Variants in IPO13 observed in about 807,000 individuals in gnomAD.
IPO13 encodes importin-13.
In IPO13, 28 loss-of-function variants were observed where a neutral mutation model predicts 115.5. The ratio of observed to expected loss-of-function variants is 0.24; its 90% CI spans 0.18 to 0.33. The LOEUF is 0.33. IPO13 is among the 10% of genes least tolerant of loss of function. The pLI is 1.00. For missense variants in IPO13, 785 were observed against 1,204.6 expected, an observed-to-expected ratio of 0.65 and a Z score of 5.16; for synonymous variants, 414 against 478.9, an observed-to-expected ratio of 0.86 and a Z score of 1.77.
chr1:43,953,612 G>A (rs2085223907), intron 2 of IPO13: 1 of 152,232 alleles, frequency 6.6e-6, no homozygotes, highest in Non-Finnish European at 1.5e-5. Flanking sequence ...CCTTCCCCAG[G>A]TGTCCTGACA....
chr1:43,956,472 A>G lies in IPO13; in HGVS notation c.962+12A>G. On this transcript the variant is annotated intron_variant, in intron 3 of 19. Coordinates refer to ENST00000372343, the MANE Select transcript of IPO13 (RefSeq NM_014652.4). The surrounding 1 kb of genome is among the most constrained non-coding windows in gnomAD (Gnocchi z 4.7). ...GAGAACCACTCCCGGTAAAGGGTGG[A>G]GCAGCTTGGGGTGGGATAGTAGGGC... 1 of 1,614,140 alleles carries G rather than the reference A, an allele frequency of 6.2e-7. No homozygotes were observed. Among genetic ancestry groups the G allele is most frequent in the Non-Finnish European group, 8.5e-7 (1 of 1,180,026 alleles).
intron 12 of IPO13, among the ~76,000 whole-genome samples, chr1:43,960,541 G>C (rs1339044001): frequency 6.6e-6 from 1 of 152,172 alleles, no homozygotes; most frequent in Non-Finnish European, 1.5e-5. Flanking sequence ...TATTAGGGTC[G>C]AGTGACAGTC....
chr1:43,955,404 C>T (rs1195109872), intron 2 of IPO13, among the ~76,000 whole-genome samples: 7 of 152,166 alleles, frequency 4.6e-5, no homozygotes, highest in African/African-American at 1.4e-4. Flanking sequence ...GCTTTAAAGC[C>T]AAACAGAAAT....
At chr1:43,955,991 G>A (rs1161518897) in intron 2 of IPO13, among the ~76,000 whole-genome samples, 14 of 111,184 alleles carry the variant, frequency 1.3e-4, no homozygotes, top group African/African-American at 5.1e-4. Context: ...GGGTAACACA[G>A]CAAAACCCCA....
Position 43,961,282 on chromosome 1 carries a change from TCTGCTG to T in IPO13, c.2344+28_2344+33del. ...AGCAAGGTAGGTCCTGACCGGGGTC[TCTGCTG>T]CTGCTGCCACTGCCACTGCCTCTGC... On this transcript the variant is annotated intron_variant, in intron 14 of 19. Coordinates refer to ENST00000372343, the MANE Select transcript of IPO13 (RefSeq NM_014652.4). 6.3e-7 allele frequency: 1 copy of T among 1,577,386 alleles called. No homozygotes were observed. Among genetic ancestry groups the T allele is most frequent in the South Asian group, 1.1e-5 (1 of 90,310 alleles).
intron 14 of IPO13, among the ~76,000 whole-genome samples, chr1:43,961,803 T>A (rs2085292312): frequency 6.6e-6 from 1 of 152,192 alleles, no homozygotes; most frequent in East Asian, 1.9e-4. Context: ...TTTTGCACAG[T>A]GAAGTACTCA....
At chr1:43,955,297 T>G (rs1360378138) in intron 2 of IPO13, among the ~76,000 whole-genome samples, 1 of 152,066 alleles carries the variant, frequency 6.6e-6, no homozygotes, top group Non-Finnish European at 1.5e-5. Context: ...CTTATGAGCC[T>G]GTGTTTACTC....
chr1:43,947,596 C>A lies in IPO13; in HGVS notation c.-5C>A. 3 of 1,307,880 alleles carry A rather than the reference C, an allele frequency of 2.3e-6. No individual in the cohort carries two copies. The highest frequency in any genetic ancestry group is 4.7e-5 in the South Asian group (2 of 42,724). 81.0% of individuals were successfully genotyped at this position (1,307,880 alleles called of 1,614,324 possible). A position where few individuals can be genotyped will look rare whatever the true frequency, so the allele number is the denominator to read the frequency against. On this transcript the variant is annotated 5_prime_UTR_variant, in exon 1 of 20. Transcript: ENST00000372343. The stretch of plus-strand genomic sequence containing the variant: ...GCCCACCTCCCTGCCAGGGAGGGAG[C>A]AAAGATGGAGCGGCGGGAGGAGCAG...
intron 12 of IPO13, among the ~76,000 whole-genome samples, chr1:43,960,623 T>C (rs534547989): frequency 6.6e-6 from 1 of 152,322 alleles, no homozygotes; most frequent in East Asian, 1.9e-4. Context: ...CTGTTGCTGC[T>C]CCCTGAGAGG....
Position 43,966,408 on chromosome 1 carries a change from A to T in IPO13, c.2398-167A>T, listed in dbSNP as rs529442310. 4.4e-6 allele frequency: 3 copies of T among 677,302 alleles called. No individual in the cohort carries two copies. The Admixed American group carries it at 6.3e-5, about 14-fold the overall frequency. 42.0% of individuals were successfully genotyped at this position (677,302 alleles called of 1,614,324 possible). ...GCATCCCTTGAGCTGTCCTCACCTG[A>T]CCTACTGAACTCTGAGGTGGTCCGG... On this transcript the variant is annotated intron_variant, in intron 15 of 19. Transcript: ENST00000372343. This position sits in a 1 kb window ranked among gnomAD's most constrained non-coding sequence, Gnocchi z 4.1.
chr1:43,958,437 G>T lies in IPO13; in HGVS notation c.1750-24G>T, dbSNP rs750863520. 5 of 1,613,640 alleles carry T rather than the reference G, an allele frequency of 3.1e-6. No individual in the cohort carries two copies. Among genetic ancestry groups the T allele is most frequent in the South Asian group, 2.2e-5 (2 of 91,018 alleles). ...CCCACAACTAGATGTGGCCAGGACTGACCATCCATGTTCTGCCCCACAGAC... is the reference window on the plus strand; with the variant it reads ...CCCACAACTAGATGTGGCCAGGACTTACCATCCATGTTCTGCCCCACAGAC... On this transcript the variant is annotated intron_variant, in intron 9 of 19. Transcript: ENST00000372343. The surrounding 1 kb of genome is among the most constrained non-coding windows in gnomAD (Gnocchi z 6.3).
intron 14 of IPO13, among the ~76,000 whole-genome samples, chr1:43,962,171 C>T (rs1478121175): frequency 6.6e-6 from 1 of 152,074 alleles, no homozygotes; most frequent in African/African-American, 2.4e-5. Context: ...TAGGTCCAAA[C>T]TGGGGAGAAA....
At position 43,967,977 on chromosome 1, in the gene IPO13, A is replaced by G; in HGVS notation, c.*295A>G. ...GTCCTTGGGGCGGGGTGGTTGCAGT[A>G]GTGTCATCAACCCCCCCATCCCCAT... is the stretch of plus-strand genomic sequence containing the variant. On this transcript the variant is annotated 3_prime_UTR_variant, in exon 20 of 20. Transcript: ENST00000372343. The surrounding 1 kb of genome is among the most constrained non-coding windows in gnomAD (Gnocchi z 6.1). The G allele has an allele frequency of 1.9e-6, 1 of 512,952 alleles. No individual in the cohort carries two copies. Among genetic ancestry groups the G allele is most frequent in the African/African-American group, 1.9e-5 (1 of 52,492 alleles). 31.8% of individuals were successfully genotyped at this position (512,952 alleles called of 1,614,324 possible). A position where few individuals can be genotyped will look rare whatever the true frequency, so the allele number is the denominator to read the frequency against.
rs187935379 is a variant in IPO13 at position 43,963,342 on chromosome 1, T to C, written c.2345-927T>C. Among the ~76,000 whole-genome samples, 58 of 152,324 alleles carry C rather than the reference T, an allele frequency of 3.8e-4. 1 individual carries two copies. The highest frequency in any genetic ancestry group is 1.2e-3 in the East Asian group (6 of 5,186). On this transcript the variant is annotated intron_variant, in intron 14 of 19. Transcript: ENST00000372343. Reference sequence around the variant, plus strand: ...CTGGAGGCAGCAGTGTCCAACATCATATACGTTGGGCTTGTTGGTTGTCTC... The same window carrying C: ...CTGGAGGCAGCAGTGTCCAACATCACATACGTTGGGCTTGTTGGTTGTCTC...
Position 43,967,344 on chromosome 1 carries a change from C to A in IPO13, c.2643C>A (p.Leu881=), listed in dbSNP as rs768391874. 1.9e-6 allele frequency: 3 copies of A among 1,614,090 alleles called. No individual in the cohort carries two copies. The East Asian group carries it at 6.7e-5, about 36-fold the overall frequency. ...EAIGGQASRS[L]MDCFADILFA... ...TTGGGGGCCAGGCCTCCCGCAGCCT[C>A]ATGGACTGCTTTGCCGATATCCTGT... is the stretch of plus-strand genomic sequence containing the variant. Residue 881 remains leucine (L), a synonymous_variant, in exon 19 of 20, where the codon CTC becomes CTA. Coordinates refer to ENST00000372343, the MANE Select transcript of IPO13 (RefSeq NM_014652.4). The surrounding 1 kb of genome is among the most constrained non-coding windows in gnomAD (Gnocchi z 6.1).
Position 43,956,514 on chromosome 1 carries a change from T to A in IPO13, c.963-46T>A. On this transcript the variant is annotated intron_variant, in intron 3 of 19. Coordinates refer to ENST00000372343, the MANE Select transcript of IPO13 (RefSeq NM_014652.4). This position sits in a 1 kb window ranked among gnomAD's most constrained non-coding sequence, Gnocchi z 4.7. The stretch of plus-strand genomic sequence containing the variant: ...TAGTAGGGCCCTCTAAGAAATGGGG[T>A]TCTGGAAGTCCCTGGAAAGGTAGAA... 1 of 1,613,726 alleles carries A rather than the reference T, an allele frequency of 6.2e-7. No individual in the cohort carries two copies. Among genetic ancestry groups the A allele is most frequent in the African/African-American group, 1.3e-5 (1 of 74,932 alleles).
chr1:43,961,609 G>T (rs1012250362), intron 14 of IPO13, among the ~76,000 whole-genome samples: 1 of 152,150 alleles, frequency 6.6e-6, no homozygotes, highest in Non-Finnish European at 1.5e-5. Flanking sequence ...AAGAGCACGG[G>T]CTTTTGAAGT....
intron 2 of IPO13, among the ~76,000 whole-genome samples, chr1:43,953,786 G>C (rs563970022): frequency 6.6e-6 from 1 of 152,212 alleles, no homozygotes; most frequent in Non-Finnish European, 1.5e-5. Context: ...TGGAGGGAAA[G>C]TGAATTAGGC....
Position 43,966,400 on chromosome 1 carries a change from C to A in IPO13, c.2398-175C>A. On this transcript the variant is annotated intron_variant, in intron 15 of 19. Transcript: ENST00000372343. This position sits in a 1 kb window ranked among gnomAD's most constrained non-coding sequence, Gnocchi z 4.1. ...TGTACATAGCATCCCTTGAGCTGTC[C>A]TCACCTGACCTACTGAACTCTGAGG... 3.0e-6 allele frequency: 2 copies of A among 665,278 alleles called. No individual in the cohort carries two copies. Among genetic ancestry groups the A allele is most frequent in the South Asian group, 1.7e-5 (1 of 59,162 alleles). The allele number at this position is 665,278 out of a possible 1,614,324, so 41.2% of individuals were successfully genotyped here.
Sources: allele counts gnomAD v4.1 joint callset (sites outside exome capture counted in the v4.1 genomes callset), GRCh38; gene constraint gnomAD v4.1.1; non-coding constraint Gnocchi (gnomAD v3.1); transcripts MANE v1.5; gene names NCBI Gene and HGNC (gene_info 2026-07-23, HGNC 2026-07-21).